CDC42BPA: variants seen among roughly 807,000 people sequenced by gnomAD.
CDC42BPA encodes the protein CDC42 binding protein kinase alpha.
Under a neutral mutation model 223.5 loss-of-function variants are expected in CDC42BPA, and 80 were observed. The ratio of observed to expected loss-of-function variants is 0.36; its 90% CI spans 0.30 to 0.43. CDC42BPA has a LOEUF of 0.43. CDC42BPA is among the 20% of genes least tolerant of loss of function. The pLI is 1.00. For synonymous variants in CDC42BPA, 694 were observed against 718.6 expected, an observed-to-expected ratio of 0.97 and a Z score of 0.55; for missense variants, 1,743 against 2,099.9, an observed-to-expected ratio of 0.83 and a Z score of 3.32.
rs563525310 is a variant in CDC42BPA, at chr1:227,020,859, T to C, written c.4615+2404A>G. On this transcript the variant is annotated intron_variant, in intron 32 of 36. Coordinates refer to ENST00000366766, the MANE Select transcript of CDC42BPA (RefSeq NM_001394014.1). The stretch of plus-strand genomic sequence containing the variant: ...CTTCCTCATTAAGTTTAATCATTTC[T>C]AGCTTTTGATTTAAAGTAAGAGATG... Among the ~76,000 whole-genome samples, 10 of 152,324 alleles carry C rather than the reference T, an allele frequency of 6.6e-5. No individual in the cohort carries two copies. The South Asian group carries it at 2.1e-3, about 32-fold the overall frequency.
chr1:227,030,033 T>G (rs751337724), intron 29 of CDC42BPA, among the ~76,000 whole-genome samples: 16 of 151,824 alleles, frequency 1.1e-4, no homozygotes, highest in Non-Finnish European at 2.4e-4. Context: ...ACTGGGAGGC[T>G]GAGGCAGGAG....
At chr1:227,040,040 A>C in intron 24 of CDC42BPA, 91 bp downstream of exon 24, 1 of 836,038 alleles carries the variant, frequency 1.2e-6, no homozygotes, top group Non-Finnish European at 2.0e-6. Context: ...GATTAAGTAA[A>C]ACAAACATTT....
At chr1:227,277,985 G>A (rs780878401) in intron 1 of CDC42BPA, among the ~76,000 whole-genome samples, 10 of 152,172 alleles carry the variant, frequency 6.6e-5, no homozygotes, top group South Asian at 2.1e-4. Context: ...TCCTGACCTC[G>A]TGATCCAGCC....
intron 31 of CDC42BPA, among the ~76,000 whole-genome samples, chr1:227,025,134 T>C (rs1020841344): frequency 3.3e-5 from 5 of 152,114 alleles, no homozygotes; most frequent in African/African-American, 1.2e-4. Context: ...TCCCAGCTAC[T>C]CTGGAGGCAG....
chr1:227,247,687 C>T (rs1193973297), intron 2 of CDC42BPA, among the ~76,000 whole-genome samples: 1 of 152,028 alleles, frequency 6.6e-6, no homozygotes, highest in Admixed American at 6.6e-5. Context: ...GAGTTCGAGA[C>T]CAGCCTGGCC....
intron 11 of CDC42BPA, among the ~76,000 whole-genome samples, chr1:227,122,557 G>A (rs1688829795): frequency 6.6e-6 from 1 of 152,192 alleles, no homozygotes; most frequent in Non-Finnish European, 1.5e-5. Context: ...GGAGTTGTTA[G>A]AGAATATATG....
At chr1:227,141,746 G>A (rs1465134729) in intron 9 of CDC42BPA, among the ~76,000 whole-genome samples, 2 of 152,198 alleles carry the variant, frequency 1.3e-5, no homozygotes, top group Non-Finnish European at 2.9e-5. Context: ...GGAGGCTGTA[G>A]TTATCTATGA....
At chr1:227,216,646 T>C (rs1182551262) in intron 2 of CDC42BPA, among the ~76,000 whole-genome samples, 2 of 152,164 alleles carry the variant, frequency 1.3e-5, no homozygotes, top group Non-Finnish European at 2.9e-5. Flanking sequence ...TAGCTAAAAA[T>C]CAAGAAGAGG....
At chr1:227,288,736 T>C (rs1042674194) in intron 1 of CDC42BPA, among the ~76,000 whole-genome samples, 1 of 152,120 alleles carries the variant, frequency 6.6e-6, no homozygotes, top group Admixed American at 6.5e-5. Flanking sequence ...GGCTCATGCC[T>C]GCAATCCCAA....
At chr1:227,060,020 G>GTTATT (rs1558401367) in intron 21 of CDC42BPA, among the ~76,000 whole-genome samples, 1 of 94,186 alleles carries the variant, frequency 1.1e-5, no homozygotes, top group African/African-American at 4.9e-5. Context: ...ATCTCAAAAA[G>GTTATT]TTTTTTTTTG....
At chr1:227,101,321 G>C in intron 14 of CDC42BPA, 82 bp from the exon 15 acceptor site, 2 of 825,500 alleles carry the variant, frequency 2.4e-6, no homozygotes, top group Non-Finnish European at 3.6e-6. Flanking sequence ...ATATAAATGA[G>C]TATTCATATA....
chr1:227,317,814 C>G lies in CDC42BPA; in HGVS notation c.-632G>C. ...AGCAGCCCCTCGGCTCGGAGCACGC[C>G]AAGTCTTGCCCGGAGGCGGCTTTTC... On this transcript the variant is annotated 5_prime_UTR_variant, in exon 1 of 37. Coordinates refer to ENST00000366766, the MANE Select transcript of CDC42BPA (RefSeq NM_001394014.1). 5 of 398,716 alleles carry G rather than the reference C, an allele frequency of 1.3e-5. No individual in the cohort carries two copies. Among genetic ancestry groups the G allele is most frequent in the Non-Finnish European group, 2.2e-5 (5 of 226,132 alleles). 24.7% of individuals were successfully genotyped at this position (398,716 alleles called of 1,614,324 possible).
intron 1 of CDC42BPA, among the ~76,000 whole-genome samples, chr1:227,265,714 C>T (rs1254896625): frequency 1.3e-5 from 2 of 151,886 alleles, no homozygotes; most frequent in Non-Finnish European, 2.9e-5. Flanking sequence ...GTATATTATC[C>T]TCTAGACCCT....
At chr1:227,076,679 C>A (rs2149101095) in intron 17 of CDC42BPA, among the ~76,000 whole-genome samples, 1 of 152,252 alleles carries the variant, frequency 6.6e-6, no homozygotes, top group South Asian at 2.1e-4. Flanking sequence ...CTAAATCATT[C>A]AAATATTTCT....
At chr1:227,284,439 C>T (rs1006846442) in intron 1 of CDC42BPA, among the ~76,000 whole-genome samples, 10 of 152,020 alleles carry the variant, frequency 6.6e-5, no homozygotes, top group Non-Finnish European at 1.3e-4. Flanking sequence ...CATGTAAGTC[C>T]GTAAGCTTTA....
chr1:227,290,376 G>A (rs1689495381), intron 1 of CDC42BPA, among the ~76,000 whole-genome samples: 1 of 152,034 alleles, frequency 6.6e-6, no homozygotes, highest in African/African-American at 2.4e-5. Context: ...TTCCTTTAGG[G>A]AAGGAACCAC....
rs1672971260 is a variant in CDC42BPA, at chr1:227,207,404, G to A, written c.354+5732C>T. ...TTATACTTTAAGTTTTAGGGTACAT[G>A]TGCACATTGTGCAGGTTAGTTACAT... On this transcript the variant is annotated intron_variant, in intron 3 of 36. Transcript: ENST00000366766. Among the ~76,000 whole-genome samples, 5 of 131,750 alleles carry A rather than the reference G, an allele frequency of 3.8e-5. No individual in the cohort carries two copies. In the Admixed American group the frequency reaches 4.2e-4, roughly 11 times the overall value. The allele number at this position is 131,750 out of a possible 152,430, so 86.4% of individuals were successfully genotyped here. A position where few individuals can be genotyped will look rare whatever the true frequency, so the allele number is the denominator to read the frequency against.
chr1:227,250,678 T>C (rs893282387), intron 2 of CDC42BPA, among the ~76,000 whole-genome samples: 1 of 151,996 alleles, frequency 6.6e-6, no homozygotes, highest in Non-Finnish European at 1.5e-5. Flanking sequence ...TTCAATTTTT[T>C]TTAATTTTAG....
At chr1:227,162,044 A>G (rs1241827007) in intron 5 of CDC42BPA, among the ~76,000 whole-genome samples, 1 of 152,216 alleles carries the variant, frequency 6.6e-6, no homozygotes, top group African/African-American at 2.4e-5. Flanking sequence ...TGAGGAAAAA[A>G]TATTTTATTC....
Sources: gnomAD v4.1 joint callset for allele counts (sites outside exome capture counted in the v4.1 genomes callset) on GRCh38, gnomAD v4.1.1 for gene constraint, MANE v1.5 for transcripts, NCBI Gene and HGNC (gene_info 2026-07-23, HGNC 2026-07-21) for gene names.